Variants in MAGI1 observed in about 807,000 individuals in gnomAD.
The protein encoded by MAGI1 is membrane associated guanylate kinase, WW and PDZ domain containing 1.
MAGI1 carries 58 observed loss-of-function variants against 139.9 expected under a neutral mutation model. The ratio of observed to expected loss-of-function variants is 0.41; its 90% confidence interval spans 0.34 to 0.52. MAGI1 has a LOEUF of 0.52. Ranked by LOEUF, MAGI1 falls within the 20% of genes least tolerant of loss-of-function variation. The probability of loss-of-function intolerance (pLI) is 0.12; values close to 1 mark genes in which losing one functional copy is unlikely to be tolerated. For missense variants in MAGI1, 1,874 were observed against 1,901.6 expected (o/e 0.99, Z 0.27); for synonymous variants, 812 against 737.9 (o/e 1.10, Z -1.63).
chr3:65,813,703 C>T (rs932450382), intron 1 of MAGI1, among the ~76,000 whole-genome samples: 8 of 152,086 alleles, frequency 5.3e-5, no homozygotes, highest in African/African-American at 9.7e-5. Flanking sequence ...ATGAGAAATA[C>T]GCAGAATGCT....
At chr3:65,357,271 A>G (rs965259339) in intron 22 of MAGI1, 139 bp from the exon 23 acceptor site, 13 of 853,752 alleles carry the variant, frequency 1.5e-5, no homozygotes, top group Non-Finnish European at 1.9e-5. Flanking sequence ...AGCCAACTGA[A>G]TCTGTTAACT....
chr3:65,821,112 G>GT (rs199680493), intron 1 of MAGI1, among the ~76,000 whole-genome samples: 4,355 of 152,178 alleles, frequency 0.029, 105 homozygotes, highest in Middle Eastern at 0.044. Flanking sequence ...ATGGGTGCTA[G>GT]TTACAAACTC....
rs1367673080 is a variant in MAGI1, at chr3:65,798,234, A to G, written c.314-176146T>C. Among the ~76,000 whole-genome samples, 3 of 151,748 alleles carry G rather than the reference A, an allele frequency of 2.0e-5. No individual in the cohort carries two copies. In the East Asian group the frequency reaches 5.8e-4, roughly 30 times the overall value. On this transcript the variant is annotated intron_variant, in intron 1 of 22. Transcript: ENST00000402939. The stretch of plus-strand genomic sequence containing the variant: ...AAAGAGAATCACTTGAACCCGGGAG[A>G]CGGAGCTTGCCGTGAGCCGAGATCA...
intron 1 of MAGI1, among the ~76,000 whole-genome samples, chr3:65,868,115 T>A (rs922979594): frequency 6.6e-6 from 1 of 152,154 alleles, no homozygotes; most frequent in Non-Finnish European, 1.5e-5. Context: ...GACGCTCCAG[T>A]GCTTTCCTAC....
intron 1 of MAGI1, among the ~76,000 whole-genome samples, chr3:65,683,996 G>A (rs1202676311): frequency 7.3e-6 from 1 of 137,738 alleles, no homozygotes; most frequent in Admixed American, 7.4e-5. Flanking sequence ...GAGAGCCCAT[G>A]TCTACAAAAA....
chr3:65,671,669 A>G (rs1301215029), intron 1 of MAGI1, among the ~76,000 whole-genome samples: 1 of 152,176 alleles, frequency 6.6e-6, no homozygotes, highest in Non-Finnish European at 1.5e-5. Context: ...TAGTTATGTC[A>G]TCTTGAGAAA....
At chr3:65,557,124 A>G (rs1245808887) in intron 2 of MAGI1, among the ~76,000 whole-genome samples, 2 of 152,228 alleles carry the variant, frequency 1.3e-5, no homozygotes, top group African/African-American at 4.8e-5. Flanking sequence ...ATTTCCTGGT[A>G]TTCAGACTCT....
At chr3:65,558,059 T>C (rs1361553108) in intron 2 of MAGI1, among the ~76,000 whole-genome samples, 2 of 152,190 alleles carry the variant, frequency 1.3e-5, no homozygotes, top group African/African-American at 4.8e-5. Context: ...GCAGTCTCTC[T>C]ACTGTCACTG....
chr3:65,749,700 T>C (rs559908927), intron 1 of MAGI1, among the ~76,000 whole-genome samples: 21 of 136,604 alleles, frequency 1.5e-4, no homozygotes, highest in African/African-American at 5.6e-4. Flanking sequence ...AAACCAGGTC[T>C]AGTCTGAGTT....
chr3:65,792,824 A>T (rs1206534990), intron 1 of MAGI1, among the ~76,000 whole-genome samples: 1 of 152,180 alleles, frequency 6.6e-6, no homozygotes, highest in African/African-American at 2.4e-5. Flanking sequence ...GGATATTTTC[A>T]GACCACAGTT....
chr3:65,452,872 C>A, intron 6 of MAGI1: 1 of 170,242 alleles, frequency 5.9e-6, no homozygotes, highest in Non-Finnish European at 1.3e-5. Context: ...CCAACTTTTC[C>A]CCCTAAGACT....
intron 1 of MAGI1, among the ~76,000 whole-genome samples, chr3:65,737,002 A>G (rs1454364072): frequency 1.4e-5 from 2 of 147,598 alleles, no homozygotes; most frequent in East Asian, 1.9e-4. Flanking sequence ...TTGCATCAAG[A>G]CTTTTTTTTT....
chr3:65,535,484 A>G (rs2078922244), intron 2 of MAGI1, among the ~76,000 whole-genome samples: 1 of 152,190 alleles, frequency 6.6e-6, no homozygotes, highest in South Asian at 2.1e-4. Flanking sequence ...TTCTACGAGT[A>G]AAGTTTGTGT....
intron 1 of MAGI1, among the ~76,000 whole-genome samples, chr3:65,749,961 A>C (rs2036011119): frequency 6.6e-6 from 1 of 152,144 alleles, no homozygotes; most frequent in African/African-American, 2.4e-5. Context: ...TTTAAACTCA[A>C]AATGATGGTG....
At chr3:65,391,924 T>C (rs983695738) in intron 13 of MAGI1, among the ~76,000 whole-genome samples, 9 of 152,240 alleles carry the variant, frequency 5.9e-5, no homozygotes, top group South Asian at 2.1e-4. Flanking sequence ...TGTTTACTGG[T>C]ATTTCTAGGT....
At chr3:65,941,001 C>G (rs1277154452) in intron 1 of MAGI1, among the ~76,000 whole-genome samples, 1 of 152,078 alleles carries the variant, frequency 6.6e-6, no homozygotes, top group Non-Finnish European at 1.5e-5. Context: ...TCACATGAAA[C>G]AGTATTCAAG....
At chr3:65,975,548 G>A (rs921457490) in intron 1 of MAGI1, among the ~76,000 whole-genome samples, 1 of 152,002 alleles carries the variant, frequency 6.6e-6, no homozygotes, top group Non-Finnish European at 1.5e-5. Context: ...TCGAGCCTAG[G>A]AGTTCAAGAC....
intron 1 of MAGI1, among the ~76,000 whole-genome samples, chr3:65,785,835 A>G (rs1043331123): frequency 6.6e-6 from 1 of 152,176 alleles, no homozygotes; most frequent in African/African-American, 2.4e-5. Flanking sequence ...CTGAATAACT[A>G]TCTCTGAAAC....
chr3:65,533,083 T>A (rs2078795219), intron 2 of MAGI1, among the ~76,000 whole-genome samples: 1 of 152,204 alleles, frequency 6.6e-6, no homozygotes, highest in African/African-American at 2.4e-5. Context: ...CCCCGCACAC[T>A]TAGAACAGCT....
Sources: allele counts gnomAD v4.1 joint callset (sites outside exome capture counted in the v4.1 genomes callset), GRCh38; gene constraint gnomAD v4.1.1; transcripts MANE v1.5; gene names NCBI Gene and HGNC (gene_info 2026-07-23, HGNC 2026-07-21).